The following TMEM114 variants were observed in gnomAD, a reference collection of about 807,000 sequenced individuals.
TMEM114 encodes the protein claudin-26.
Under a neutral mutation model 6.2 loss-of-function variants are expected in TMEM114, and 6 were observed. The ratio of observed to expected loss-of-function variants is 0.97; its 90% CI spans 0.53 to 1.91. TMEM114 has a LOEUF of 1.91. Ranked by LOEUF, TMEM114 falls within the 40% of genes most tolerant of loss-of-function variation. The probability of loss-of-function intolerance (pLI) is 0.01; values close to 1 mark genes in which losing one functional copy is unlikely to be tolerated. For synonymous variants in TMEM114, 104 were observed against 73.0 expected (o/e 1.42, Z -2.16); for missense variants, 218 against 158.3 (o/e 1.38, Z -2.02).
intron 2 of TMEM114, among the ~76,000 whole-genome samples, chr16:8,559,275 T>C (rs1239879394): frequency 6.6e-6 from 1 of 151,382 alleles, no homozygotes; most frequent in Non-Finnish European, 1.5e-5. Context: ...ACTCATAACC[T>C]CAAGTGATCC....
chr16:8,558,386 A>G (rs1344915202), intron 2 of TMEM114, among the ~76,000 whole-genome samples: 5 of 152,162 alleles, frequency 3.3e-5, no homozygotes, highest in Non-Finnish European at 7.4e-5. Flanking sequence ...TTGTGGCAGC[A>G]TCTCTCCAAC....
rs559843827 is a variant in TMEM114, at chr16:8,586,184, G to A, written c.301+3029C>T. On this transcript the variant is annotated intron_variant, in intron 2 of 3. Transcript: ENST00000620492. ...CTCTAGAAGGAGGCTGGAAGGAGGG[G>A]CAAAGGGAGAGCTCATGCTTACTGA... Among the ~76,000 whole-genome samples, 4 of 152,310 alleles carry A rather than the reference G, an allele frequency of 2.6e-5. No homozygotes were observed. The South Asian group carries it at 8.3e-4, about 32-fold the overall frequency.
chr16:8,571,121 T>C (rs1901720720), intron 3 of TMEM114, among the ~76,000 whole-genome samples: 1 of 95,784 alleles, frequency 1.0e-5, no homozygotes. Flanking sequence ...CACTGCTTTT[T>C]TTTTTTTTTA....
downstream of TMEM114, among the ~76,000 whole-genome samples, chr16:8,568,679 T>A (rs1901624216): frequency 6.6e-6 from 1 of 152,218 alleles, no homozygotes; most frequent in African/African-American, 2.4e-5. Context: ...TCCCAGAGTT[T>A]CCTAAGCCAA....
intron 2 of TMEM114, among the ~76,000 whole-genome samples, chr16:8,574,680 C>G (rs1237431454): frequency 6.6e-6 from 1 of 151,936 alleles, no homozygotes; most frequent in Non-Finnish European, 1.5e-5. Flanking sequence ...ATCCATCCCC[C>G]CACACACCAT....
intron 2 of TMEM114, among the ~76,000 whole-genome samples, chr16:8,544,674 C>G (rs1900608055): frequency 6.6e-6 from 1 of 152,170 alleles, no homozygotes; most frequent in Non-Finnish European, 1.5e-5. Flanking sequence ...AGGGGTACCC[C>G]TTTTCAGTGT....
intron 2 of TMEM114, among the ~76,000 whole-genome samples, chr16:8,542,794 T>G (rs1032725827): frequency 1.3e-5 from 2 of 152,112 alleles, no homozygotes; most frequent in Non-Finnish European, 2.9e-5. Flanking sequence ...ATCTCCTCAG[T>G]CTCAACTCCC....
intron 2 of TMEM114, among the ~76,000 whole-genome samples, chr16:8,538,596 A>G (rs955910437): frequency 2.2e-4 from 33 of 151,852 alleles, no homozygotes; most frequent in African/African-American, 5.8e-4. Context: ...CAAACTCCAC[A>G]TCTTGGGTCC....
intron 2 of TMEM114, among the ~76,000 whole-genome samples, chr16:8,577,194 C>T (rs1032438651): frequency 5.9e-5 from 9 of 152,232 alleles, no homozygotes; most frequent in South Asian, 2.1e-4. Context: ...AAGCCCTCAA[C>T]GAAAGCCACT....
intron 2 of TMEM114, among the ~76,000 whole-genome samples, chr16:8,572,802 A>G (rs796519440): frequency 3.9e-5 from 6 of 152,292 alleles, no homozygotes; most frequent in African/African-American, 1.4e-4. Context: ...ATTATTCATT[A>G]CAAGAGCCAG....
chr16:8,538,150 A>AAAAC (rs1555460880), intron 2 of TMEM114, among the ~76,000 whole-genome samples: 10 of 151,000 alleles, frequency 6.6e-5, no homozygotes, highest in African/African-American at 2.2e-4. Flanking sequence ...AAAAAAAAAA[A>AAAAC]AAAACTTCGC....
At chr16:8,545,288 T>G (rs1281052561) in intron 2 of TMEM114, among the ~76,000 whole-genome samples, 1 of 151,906 alleles carries the variant, frequency 6.6e-6, no homozygotes, top group Non-Finnish European at 1.5e-5. Context: ...AAATAAAAAA[T>G]AACCAGGCAC....
intron 3 of TMEM114, 77 bp downstream of exon 3, chr16:8,572,010 G>T: frequency 2.1e-6 from 3 of 1,424,224 alleles, no homozygotes; most frequent in Non-Finnish European, 2.8e-6. Flanking sequence ...CCCCTCGTTT[G>T]CTGAGGGTTC....
intron 2 of TMEM114, among the ~76,000 whole-genome samples, chr16:8,577,658 A>G (rs1204043735): frequency 6.6e-6 from 1 of 151,482 alleles, no homozygotes; most frequent in Non-Finnish European, 1.5e-5. Flanking sequence ...ATCTCAGATC[A>G]CTGCAACCTC....
chr16:8,531,515 A>G, the TMEM114 span, among the ~76,000 whole-genome samples: 1 of 152,208 alleles, frequency 6.6e-6, no homozygotes, highest in South Asian at 2.1e-4. Flanking sequence ...GTGGGCACTG[A>G]AGGATTCTGC....
chr16:8,529,595 G>A, the TMEM114 span, among the ~76,000 whole-genome samples: 2 of 152,090 alleles, frequency 1.3e-5, no homozygotes, highest in Non-Finnish European at 1.5e-5. Flanking sequence ...GGAATAGGTA[G>A]GCAGAGGCAC....
chr16:8,528,304 A>T, the TMEM114 span, among the ~76,000 whole-genome samples: 1 of 152,152 alleles, frequency 6.6e-6, no homozygotes, highest in African/African-American at 2.4e-5. Context: ...ATAAGTTCTG[A>T]TAAAGGAGGA....
rs1156683153 is a variant in TMEM114, at chr16:8,543,630, C to G, written n.213-5804G>C. On this transcript the variant is annotated intron_variant and non_coding_transcript_variant, in intron 2 of 2. Transcript: ENST00000623677. ...CATCTCCTCTCCAGAGCCTTCCTTT[C>G]TCAATGACAGCCAAGGTTTCTGCCT... 2.6e-5 allele frequency among the ~76,000 whole-genome samples: 4 copies of G among 152,134 alleles called. No homozygotes were observed. The East Asian group carries it at 7.7e-4, about 29-fold the overall frequency.
the TMEM114 span, among the ~76,000 whole-genome samples, chr16:8,532,347 T>C: frequency 2.0e-5 from 3 of 152,112 alleles, no homozygotes; most frequent in Non-Finnish European, 4.4e-5. Context: ...CTGGGACTTA[T>C]AAATAGGGAA....
Sources: gnomAD v4.1 joint callset for allele counts (sites outside exome capture counted in the v4.1 genomes callset) on GRCh38, gnomAD v4.1.1 for gene constraint, MANE v1.5 for transcripts, NCBI Gene and HGNC (gene_info 2026-07-23, HGNC 2026-07-21) for gene names.